TRIM60: variants seen among roughly 807,000 people sequenced by gnomAD.
The protein encoded by TRIM60 is tripartite motif containing 60.
For synonymous variants in TRIM60, 189 were observed against 195.2 expected (o/e 0.97, Z 0.27); for missense variants, 524 against 540.8 (o/e 0.97, Z 0.31).
chr4:165,034,426 A>C (rs919091648), intron 1 of TRIM60, among the ~76,000 whole-genome samples: 1 of 152,224 alleles, frequency 6.6e-6, no homozygotes, highest in Middle Eastern at 3.2e-3. Flanking sequence ...TGCTGGGATT[A>C]CAGGCGTGAG....
In TRIM60 at chr4:165,040,193, A is replaced by G. The variant is rs1379177971; in HGVS notation, c.121A>G (p.Ser41Gly). 2.5e-6 allele frequency: 4 copies of G among 1,614,164 alleles called. No individual in the cohort carries two copies. Among genetic ancestry groups the G allele is most frequent in the Non-Finnish European group, 3.4e-6 (4 of 1,180,022 alleles). The change falls in exon 3 of 3, where the codon AGT becomes GGT. Residue 41 changes from serine (S) to glycine (G), a missense_variant. Physicochemically the swap from Ser to Gly is moderately conservative, Grantham distance 56. Transcript: ENST00000512596. ...GCACAACTTCTGTCGCTCCTGCCTCAGTGTATCCTGGAAGGATCTAGATGA... is the reference window on the plus strand; with the variant it reads ...GCACAACTTCTGTCGCTCCTGCCTCGGTGTATCCTGGAAGGATCTAGATGA... ...CGHNFCRSCL[S>G]VSWKDLDDTF...
intron 1 of TRIM60, among the ~76,000 whole-genome samples, chr4:165,038,424 C>A (rs896531091): frequency 2.6e-5 from 4 of 151,754 alleles, no homozygotes; most frequent in African/African-American, 9.7e-5. Context: ...CATAGTGGCT[C>A]ACACCTATAA....
At chr4:165,035,770 T>C (rs1165708704) in intron 1 of TRIM60, among the ~76,000 whole-genome samples, 1 of 151,952 alleles carries the variant, frequency 6.6e-6, no homozygotes, top group East Asian at 1.9e-4. Flanking sequence ...TTGCCCAGAC[T>C]GGAGTGCAAT....
chr4:165,041,593 T>C lies in TRIM60; in HGVS notation c.*105T>C. 1.3e-6 allele frequency: 1 copy of C among 778,408 alleles called. No homozygotes were observed. Among genetic ancestry groups the C allele is most frequent in the Non-Finnish European group, 1.9e-6 (1 of 528,958 alleles). 48.2% of individuals were successfully genotyped at this position (778,408 alleles called of 1,614,324 possible). A position where few individuals can be genotyped will look rare whatever the true frequency, so the allele number is the denominator to read the frequency against. ...TTTTACCACTGAAAACCAGAGTCGA[T>C]TTTTCTCCTAAATTTTTGGCAACTA... On this transcript the variant is annotated 3_prime_UTR_variant, in exon 3 of 3. Coordinates refer to ENST00000512596, the MANE Select transcript of TRIM60 (RefSeq NM_152620.3).
intron 1 of TRIM60, among the ~76,000 whole-genome samples, chr4:165,032,449 A>G (rs969894623): frequency 2.0e-5 from 3 of 152,110 alleles, no homozygotes; most frequent in Non-Finnish European, 4.4e-5. Flanking sequence ...AGGTTTCTCC[A>G]TGTTGGCCAG....
Position 165,040,708 on chromosome 4 carries a change from T to A in TRIM60, c.636T>A (p.Ile212=). 1 of 1,613,918 alleles carries A rather than the reference T, an allele frequency of 6.2e-7. No homozygotes were observed. Among genetic ancestry groups the A allele is most frequent in the Non-Finnish European group, 8.5e-7 (1 of 1,179,984 alleles). Reference sequence around the variant, plus strand: ...AGATACAAGATGAAGAGATGAACATTTTAGCAAAACTAAATGAAAACCTTG... The same window carrying A: ...AGATACAAGATGAAGAGATGAACATATTAGCAAAACTAAATGAAAACCTTG... ...LRQIQDEEMN[I]LAKLNENLVE... The change falls in exon 3 of 3, where the codon ATT becomes ATA. Residue 212 remains isoleucine, a synonymous_variant. Coordinates refer to ENST00000512596, the MANE Select transcript of TRIM60 (RefSeq NM_152620.3).
intron 2 of TRIM60, 111 bp from the exon 3 acceptor site, chr4:165,039,958 C>G (rs759329349): frequency 1.3e-5 from 11 of 815,886 alleles, no homozygotes; most frequent in Non-Finnish European, 2.1e-5. Context: ...AAACCTAAAC[C>G]TGATCAATCT....
At chr4:165,036,743 T>C (rs1733630814) in intron 1 of TRIM60, among the ~76,000 whole-genome samples, 3 of 151,740 alleles carry the variant, frequency 2.0e-5, no homozygotes, top group African/African-American at 7.3e-5. Context: ...TAGCCGGTCA[T>C]GGTGGCAGGC....
chr4:165,036,311 A>T (rs1425959449), intron 1 of TRIM60, among the ~76,000 whole-genome samples: 1 of 152,156 alleles, frequency 6.6e-6, no homozygotes, highest in Non-Finnish European at 1.5e-5. Context: ...GATCAATGAC[A>T]TATAGATGTA....
rs1400384523 is a variant in TRIM60, at chr4:165,034,434, G to A, written c.-57+2322G>A. On this transcript the variant is annotated intron_variant, in intron 1 of 2. Transcript: ENST00000512596. ...CCCAAAGTGCTGGGATTACAGGCGT[G>A]AGCCACTGCGCCCGTCCATGAAATA... Among the ~76,000 whole-genome samples the A allele has an allele frequency of 3.3e-5, 5 of 152,182 alleles. No homozygotes were observed. The East Asian group carries it at 5.8e-4, about 18-fold the overall frequency.
In TRIM60 at chr4:165,040,072, G is replaced by A. The variant is rs114018569; in HGVS notation, c.-1G>A. 4.5e-4 allele frequency: 717 copies of A among 1,611,138 alleles called. 4 individuals are homozygous for A. In the African/African-American group the frequency reaches 8.3e-3, roughly 19 times the overall value. ...TATGCATTACCTTTGTTCGCAGCTC[G>A]ATGGAGTTTGTGACAGCCCTGGTGA... On this transcript the variant is annotated 5_prime_UTR_variant, in exon 3 of 3. Transcript: ENST00000512596.
intron 1 of TRIM60, among the ~76,000 whole-genome samples, chr4:165,032,542 C>T (rs1445691731): frequency 2.6e-5 from 4 of 152,202 alleles, no homozygotes; most frequent in African/African-American, 9.6e-5. Flanking sequence ...AGCCACCGTG[C>T]TCGGCCGGAT....
At chr4:165,032,765 G>A (rs72697987) in intron 1 of TRIM60, among the ~76,000 whole-genome samples, 25,276 of 152,124 alleles carry the variant, frequency 0.17, 3,123 homozygotes, top group East Asian at 0.64. Flanking sequence ...AAACTGCTAC[G>A]GATGAGAAAG....
At chr4:165,038,580 G>T (rs888934084) in intron 1 of TRIM60, among the ~76,000 whole-genome samples, 2 of 144,998 alleles carry the variant, frequency 1.4e-5, no homozygotes, top group African/African-American at 5.2e-5. Flanking sequence ...GGCTGAGGCT[G>T]CAAAGAACCA....
At chr4:165,032,538 C>T (rs750303569) in intron 1 of TRIM60, among the ~76,000 whole-genome samples, 1 of 152,194 alleles carries the variant, frequency 6.6e-6, no homozygotes, top group East Asian at 1.9e-4. Context: ...CGTGAGCCAC[C>T]GTGCTCGGCC....
intron 2 of TRIM60, 48 bp from the exon 3 acceptor site, chr4:165,040,021 C>A: frequency 6.7e-7 from 1 of 1,502,400 alleles, no homozygotes; most frequent in Non-Finnish European, 9.1e-7. Flanking sequence ...TCTACGGAGG[C>A]AGGACTGATC....
intron 1 of TRIM60, among the ~76,000 whole-genome samples, chr4:165,033,189 A>C (rs1159293160): frequency 1.3e-5 from 2 of 152,196 alleles, no homozygotes; most frequent in Non-Finnish European, 2.9e-5. Flanking sequence ...ATCCTGTCTC[A>C]AAAAGTAAAA....
intron 1 of TRIM60, among the ~76,000 whole-genome samples, chr4:165,038,615 T>TG (rs1191584364): frequency 7.1e-6 from 1 of 141,050 alleles, no homozygotes; most frequent in African/African-American, 2.7e-5. Context: ...CACTCTAGCT[T>TG]GGGTGACACA....
At chr4:165,032,872 C>A (rs2111205048) in intron 1 of TRIM60, among the ~76,000 whole-genome samples, 1 of 152,178 alleles carries the variant, frequency 6.6e-6, no homozygotes, top group African/African-American at 2.4e-5. Flanking sequence ...TCACTGAGCC[C>A]ACACTATGAA....
Sources: allele counts gnomAD v4.1 joint callset (sites outside exome capture counted in the v4.1 genomes callset), GRCh38; gene constraint gnomAD v4.1.1; transcripts MANE v1.5; gene names NCBI Gene and HGNC (gene_info 2026-07-23, HGNC 2026-07-21).